The following GRIA4 variants were observed in gnomAD, a reference collection of about 807,000 sequenced individuals.
The protein encoded by GRIA4 is glutamate ionotropic receptor AMPA type subunit 4, also known as glutamate receptor 4.
Under a neutral mutation model 104.0 loss-of-function variants are expected in GRIA4, and 34 were observed. That is an observed-to-expected ratio of 0.33 (90% CI 0.25 to 0.44). The LOEUF is 0.44. Among genes scored for constraint, GRIA4 ranks in the 20% least tolerant of loss-of-function variants. The pLI is 1.00. For missense variants in GRIA4, 750 were observed against 1,096.5 expected (o/e 0.68, Z 4.46); for synonymous variants, 386 against 381.9 (o/e 1.01, Z -0.13).
intron 4 of GRIA4, among the ~76,000 whole-genome samples, chr11:105,836,137 G>T (rs1944175389): frequency 6.6e-6 from 1 of 152,038 alleles, no homozygotes; most frequent in African/African-American, 2.4e-5. Context: ...AAAAAGGAAA[G>T]AAAATAGTCA....
intron 3 of GRIA4, among the ~76,000 whole-genome samples, chr11:105,638,585 TC>T (rs374444174): frequency 1.9e-4 from 29 of 151,944 alleles, no homozygotes; most frequent in African/African-American, 6.8e-4. Context: ...TACTAGTTTC[TC>T]CCATAGCAGT....
intron 4 of GRIA4, among the ~76,000 whole-genome samples, chr11:105,772,302 T>C (rs903781788): frequency 6.6e-6 from 1 of 152,142 alleles, no homozygotes; most frequent in African/African-American, 2.4e-5. Flanking sequence ...AGAAATGTCG[T>C]GACATTACAA....
intron 4 of GRIA4, among the ~76,000 whole-genome samples, chr11:105,762,682 G>A (rs533696365): frequency 6.6e-6 from 1 of 152,230 alleles, no homozygotes; most frequent in Non-Finnish European, 1.5e-5. Flanking sequence ...GCTGTTCTTA[G>A]ATAGTGAATA....
At chr11:105,748,626 G>T (rs560254537) in intron 3 of GRIA4, among the ~76,000 whole-genome samples, 1 of 152,006 alleles carries the variant, frequency 6.6e-6, no homozygotes, top group East Asian at 1.9e-4. Context: ...CTCGTGATCC[G>T]CCCGCCTTGG....
At chr11:105,904,697 A>G (rs1436069982) in intron 8 of GRIA4, among the ~76,000 whole-genome samples, 1 of 152,214 alleles carries the variant, frequency 6.6e-6, no homozygotes, top group Non-Finnish European at 1.5e-5. Context: ...GGTTCAAAAC[A>G]TAGGTAAAAG....
intron 3 of GRIA4, among the ~76,000 whole-genome samples, chr11:105,654,381 C>A (rs562838108): frequency 1.3e-5 from 2 of 150,862 alleles, no homozygotes; most frequent in Non-Finnish European, 1.5e-5. Context: ...TGTAATGTAA[C>A]GCTATGTTCA....
chr11:105,977,246 C>T (rs991920037), intron 16 of GRIA4, among the ~76,000 whole-genome samples: 8 of 152,056 alleles, frequency 5.3e-5, no homozygotes, highest in African/African-American at 1.7e-4. Flanking sequence ...TCTAAGGAAA[C>T]ATATTCAGAC....
At chr11:105,657,944 G>A (rs901505365) in intron 3 of GRIA4, among the ~76,000 whole-genome samples, 5 of 151,376 alleles carry the variant, frequency 3.3e-5, no homozygotes, top group African/African-American at 2.4e-5. Flanking sequence ...AAAATATAAA[G>A]TGTATTTTAA....
intron 14 of GRIA4, among the ~76,000 whole-genome samples, chr11:105,970,922 G>A (rs776972198): frequency 1.8e-4 from 28 of 152,074 alleles, no homozygotes; most frequent in Non-Finnish European, 3.4e-4. Flanking sequence ...GAATATTGAC[G>A]CCAGGTAATG....
chr11:105,730,571 A>G (rs1328742845), intron 3 of GRIA4, among the ~76,000 whole-genome samples: 2 of 152,130 alleles, frequency 1.3e-5, no homozygotes, highest in Non-Finnish European at 2.9e-5. Context: ...TATAGCCAAG[A>G]CAATCCAAAG....
intron 11 of GRIA4, among the ~76,000 whole-genome samples, chr11:105,919,879 C>A (rs1324967181): frequency 6.6e-6 from 1 of 152,096 alleles, no homozygotes; most frequent in Non-Finnish European, 1.5e-5. Context: ...TTAATCCTCA[C>A]AAGACCCCTT....
chr11:105,791,422 A>G (rs1174291014), intron 4 of GRIA4, among the ~76,000 whole-genome samples: 3 of 152,220 alleles, frequency 2.0e-5, no homozygotes, highest in Non-Finnish European at 2.9e-5. Flanking sequence ...ATAGAGTTGT[A>G]AATGTTTTTC....
At chr11:105,615,364 G>T (rs1008527576) in intron 3 of GRIA4, among the ~76,000 whole-genome samples, 2 of 151,668 alleles carry the variant, frequency 1.3e-5, no homozygotes, top group African/African-American at 4.8e-5. Context: ...ATAATTTTTG[G>T]TATAAATCCC....
intron 11 of GRIA4, 50 bp downstream of exon 11, chr11:105,918,968 C>A: frequency 9.1e-7 from 1 of 1,099,216 alleles, no homozygotes; most frequent in South Asian, 1.2e-5. Context: ...CCTGAAACTT[C>A]TTTTCCCTTG....
intron 4 of GRIA4, among the ~76,000 whole-genome samples, chr11:105,842,363 G>GT: frequency 6.6e-6 from 1 of 152,258 alleles, no homozygotes. Context: ...CACGATTAGT[G>GT]TGACTGCTAT....
In GRIA4 at chr11:105,980,126, T is replaced by C. The variant is rs1859199744; in HGVS notation, c.*387T>C. On this transcript the variant is annotated 3_prime_UTR_variant, in exon 17 of 17. Transcript: ENST00000282499. ...TTTGTCTTCACCGGAAAGGATAAAA[T>C]AGTTGTAGAAGTCCGTGAACATGCT... The C allele has an allele frequency of 6.1e-6, 1 of 164,282 alleles. No individual in the cohort carries two copies. Among genetic ancestry groups the C allele is most frequent in the Non-Finnish European group, 1.3e-5 (1 of 75,100 alleles). 10.2% of individuals were successfully genotyped at this position (164,282 alleles called of 1,614,324 possible).
At chr11:105,857,857 C>T (rs1945067098) in intron 4 of GRIA4, among the ~76,000 whole-genome samples, 1 of 152,150 alleles carries the variant, frequency 6.6e-6, no homozygotes, top group Admixed American at 6.6e-5. Flanking sequence ...CTTTCTGCTG[C>T]TCTGTGTGCT....
intron 4 of GRIA4, among the ~76,000 whole-genome samples, chr11:105,832,203 A>G (rs1376619394): frequency 6.6e-6 from 1 of 151,988 alleles, no homozygotes; most frequent in Non-Finnish European, 1.5e-5. Flanking sequence ...TCAGAAAGCC[A>G]CAGCAACTTG....
intron 4 of GRIA4, among the ~76,000 whole-genome samples, chr11:105,762,452 C>A (rs1056138733): frequency 2.6e-5 from 4 of 152,178 alleles, no homozygotes; most frequent in Non-Finnish European, 5.9e-5. Context: ...TCCTTCTGAT[C>A]CACCACAATA....
Sources: allele counts gnomAD v4.1 joint callset (sites outside exome capture counted in the v4.1 genomes callset), GRCh38; gene constraint gnomAD v4.1.1; transcripts MANE v1.5; gene names NCBI Gene and HGNC (gene_info 2026-07-23, HGNC 2026-07-21).